Variants in C18orf54 observed in about 807,000 individuals in gnomAD.
C18orf54 encodes the protein chromosome 18 open reading frame 54, also known as lung adenoma susceptibility protein 2.
A neutral mutation model predicts 49.3 loss-of-function variants in C18orf54; 49 were observed. The ratio of observed to expected loss-of-function variants is 0.99; its 90% CI spans 0.79 to 1.26. The LOEUF is 1.26. Ranked by LOEUF, C18orf54 falls within the 50% of genes most tolerant of loss-of-function variation. The pLI, the probability that C18orf54 is intolerant of heterozygous loss-of-function variation, is 0.00. For missense variants in C18orf54, 687 were observed against 620.6 expected (o/e 1.11, Z -1.14); for synonymous variants, 211 against 216.6 (o/e 0.97, Z 0.23).
rs2089286195 is a variant in C18orf54 at position 54,362,234 on chromosome 18, A to G, written c.875A>G (p.His292Arg). 1 of 1,536,326 alleles carries G rather than the reference A, an allele frequency of 6.5e-7. No homozygotes were observed. The highest frequency in any genetic ancestry group is 8.7e-7 in the Non-Finnish European group (1 of 1,146,932). ...AAAGATGATCAGTGTTCCCCTAGAC[A>G]TAGTCATCAGGCACAAGGAACTTCT... ...IFKDDQCSPRHSHQAQGTSRL... is the reference protein window; with the variant it reads ...IFKDDQCSPRRSHQAQGTSRL... The change falls in exon 4 of 9, where the codon CAT becomes CGT. Residue 292 changes from histidine to arginine, a missense_variant. Coordinates refer to ENST00000620105, the MANE Select transcript of C18orf54 (RefSeq NM_001288980.2).
chr18:54,372,424 C>G, intron 6 of C18orf54, 42 bp from the exon 7 acceptor site: 1 of 1,426,758 alleles, frequency 7.0e-7, no homozygotes. Flanking sequence ...TTTCCCTGAG[C>G]TTGGATGGTT....
intron 5 of C18orf54, among the ~76,000 whole-genome samples, chr18:54,363,531 T>C (rs2144725344): frequency 6.6e-6 from 1 of 152,258 alleles, no homozygotes; most frequent in South Asian, 2.1e-4. Context: ...TTGGCCAGGC[T>C]GGTCTCTAAC....
intron 8 of C18orf54, among the ~76,000 whole-genome samples, chr18:54,377,889 C>G (rs538966832): frequency 2.2e-4 from 33 of 152,026 alleles, no homozygotes; most frequent in African/African-American, 8.0e-4. Flanking sequence ...CAACTGATAC[C>G]TATTGTTTCT....
intron 5 of C18orf54, among the ~76,000 whole-genome samples, chr18:54,363,709 A>G (rs2089319751): frequency 6.6e-6 from 1 of 152,108 alleles, no homozygotes. Context: ...TCAGAAATGC[A>G]TTATTGCTAA....
chr18:54,366,774 C>T (rs1022395693), intron 6 of C18orf54, among the ~76,000 whole-genome samples: 1 of 151,298 alleles, frequency 6.6e-6, no homozygotes, highest in Non-Finnish European at 1.5e-5. Context: ...GTAATACTAA[C>T]ACTTTGGGTG....
At position 54,361,909 on chromosome 18, in the gene C18orf54, A is replaced by G; in HGVS notation, c.550A>G (p.Thr184Ala). 6.2e-7 allele frequency: 1 copy of G among 1,614,110 alleles called. No individual in the cohort carries two copies. ...TTCCATGGGCAAGGATAACTTTGTT[A>G]CTCCTGTTATACGCTCAAATATAAA... ...YTSMGKDNFVTPVIRSNINGK... is the reference protein window; with the variant it reads ...YTSMGKDNFVAPVIRSNINGK... Residue 184 changes from threonine to alanine, a missense_variant, in exon 4 of 9, where the codon ACT becomes GCT. Thr to Ala is a moderately conservative substitution (Grantham distance 58, BLOSUM62 0). Transcript: ENST00000620105.
chr18:54,374,774 T>C (rs1182668757), intron 8 of C18orf54, among the ~76,000 whole-genome samples: 1 of 151,944 alleles, frequency 6.6e-6, no homozygotes, highest in Non-Finnish European at 1.5e-5. Flanking sequence ...GTTGTTTCTA[T>C]AGTCATGATA....
rs1327799087 is a variant in C18orf54 at position 54,381,582 on chromosome 18, T to TG, written c.*3337dup. 6.6e-6 allele frequency: 1 copy of TG among 152,242 alleles called. No individual in the cohort carries two copies. Among genetic ancestry groups the TG allele is most frequent in the Non-Finnish European group, 1.5e-5 (1 of 68,032 alleles). The allele number at this position is 152,242 out of a possible 1,614,324, so 9.4% of individuals were successfully genotyped here. On this transcript the variant is annotated 3_prime_UTR_variant, in exon 9 of 9. Transcript: ENST00000620105. ...TACTCAGATTCCCCCAAACTTTATATGTGTATTGTCATCTTTGTGCATATT... is the reference window on the plus strand; with the variant it reads ...TACTCAGATTCCCCCAAACTTTATATGGTGTATTGTCATCTTTGTGCATATT...
At position 54,362,421 on chromosome 18, in the gene C18orf54, G is replaced by A; in HGVS notation, c.1062G>A (p.Lys354=). 6.6e-7 allele frequency: 1 copy of A among 1,511,342 alleles called. No individual in the cohort carries two copies. Among genetic ancestry groups the A allele is most frequent in the South Asian group, 1.3e-5 (1 of 79,882 alleles). 93.6% of individuals were successfully genotyped at this position (1,511,342 alleles called of 1,614,324 possible). ...ENPLLPGQST[K]PFSGDKIELL... ...CACTTCTCCCAGGACAATCCACAAA[G>A]CCATTCAGTGGTAATACTTTGTTTA... Residue 354 remains lysine, a synonymous_variant, in exon 4 of 9, where the codon AAG becomes AAA. Coordinates refer to ENST00000620105, the MANE Select transcript of C18orf54 (RefSeq NM_001288980.2).
chr18:54,369,233 T>A (rs776586000), intron 6 of C18orf54, among the ~76,000 whole-genome samples: 7 of 152,168 alleles, frequency 4.6e-5, no homozygotes, highest in Non-Finnish European at 7.3e-5. Flanking sequence ...TAAACACATA[T>A]ATGTATAAAA....
chr18:54,361,589 T>A, intron 3 of C18orf54, 54 bp from the exon 4 acceptor site: 1 of 1,401,610 alleles, frequency 7.1e-7, no homozygotes, highest in Non-Finnish European at 9.6e-7. Flanking sequence ...CATTTACTGT[T>A]GGATATTATA....
rs571385451 is a variant in C18orf54, at chr18:54,372,072, A to T, written c.1327-394A>T. 1.3e-3 allele frequency among the ~76,000 whole-genome samples: 202 copies of T among 152,148 alleles called. 1 individual carries two copies. The highest frequency in any genetic ancestry group is 4.1e-3 in the African/African-American group (171 of 41,554). ...AAAACATATTTTAAAGTGTGCAGAG[A>T]ATACTGTATTTGAAATTTTAGTCCT... On this transcript the variant is annotated intron_variant, in intron 6 of 8. Transcript: ENST00000620105.
intron 7 of C18orf54, 63 bp from the exon 8 acceptor site, chr18:54,374,151 A>G (rs2089532969): frequency 1.6e-6 from 2 of 1,235,294 alleles, no homozygotes; most frequent in African/African-American, 3.1e-5. Flanking sequence ...CATTTTCAAT[A>G]CCATTTAATT....
chr18:54,377,679 C>A (rs1315233623), intron 8 of C18orf54, among the ~76,000 whole-genome samples: 1 of 152,036 alleles, frequency 6.6e-6, no homozygotes, highest in Admixed American at 6.6e-5. Flanking sequence ...CCCCTATGAT[C>A]AATAAAAATG....
Position 54,379,874 on chromosome 18 carries a change from C to T in C18orf54, c.*1628C>T, listed in dbSNP as rs1443949307. On this transcript the variant is annotated 3_prime_UTR_variant, in exon 9 of 9. Transcript: ENST00000620105. ...TTGATCATACATAATATATACTATG[C>T]CTGGAAATTATGACTGAAAAGCACC... 6.6e-6 allele frequency: 1 copy of T among 151,876 alleles called. No individual in the cohort carries two copies. Among genetic ancestry groups the T allele is most frequent in the Non-Finnish European group, 1.5e-5 (1 of 67,890 alleles). 9.4% of individuals were successfully genotyped at this position (151,876 alleles called of 1,614,324 possible).
rs2089655965 is a variant in C18orf54 at position 54,380,786 on chromosome 18, C to G, written c.*2540C>G. ...TGAAGATAAATCATGACAAGGTCCC[C>G]TGTTTATTCCTGTGTTACAGACGCA... is the stretch of plus-strand genomic sequence containing the variant. On this transcript the variant is annotated 3_prime_UTR_variant, in exon 9 of 9. Transcript: ENST00000620105. The G allele has an allele frequency of 1.3e-5, 2 of 152,032 alleles. No homozygotes were observed. Among genetic ancestry groups the G allele is most frequent in the Non-Finnish European group, 2.9e-5 (2 of 67,934 alleles). 9.4% of individuals were successfully genotyped at this position (152,032 alleles called of 1,614,324 possible). A position where few individuals can be genotyped will look rare whatever the true frequency, so the allele number is the denominator to read the frequency against.
At position 54,362,386 on chromosome 18, in the gene C18orf54, T is replaced by C. The variant is rs1229183922; in HGVS notation, c.1027T>C (p.Cys343Arg). Residue 343 changes from cysteine (C) to arginine (R), a missense_variant, in exon 4 of 9, where the codon TGT (cysteine) becomes CGT (arginine). Cys to Arg is a radical substitution (Grantham distance 180). Transcript: ENST00000620105. ...KCDFEHSQCQ[C>R]ENPLLPGQST... ...TGATTTTGAACATAGCCAGTGTCAATGTGAGAATCCACTTCTCCCAGGACA... is the reference window on the plus strand; with the variant it reads ...TGATTTTGAACATAGCCAGTGTCAACGTGAGAATCCACTTCTCCCAGGACA... The C allele has an allele frequency of 1.3e-5, 20 of 1,533,420 alleles. No homozygotes were observed. Among genetic ancestry groups the C allele is most frequent in the Non-Finnish European group, 1.7e-5 (20 of 1,145,296 alleles). The allele number at this position is 1,533,420 out of a possible 1,614,324, so 95.0% of individuals were successfully genotyped here.
At chr18:54,368,959 T>C (rs1306778711) in intron 6 of C18orf54, among the ~76,000 whole-genome samples, 1 of 152,234 alleles carries the variant, frequency 6.6e-6, no homozygotes, top group Non-Finnish European at 1.5e-5. Flanking sequence ...TTCCTTCATG[T>C]TGGCTCCTGT....
chr18:54,374,187 T>C, intron 7 of C18orf54, 27 bp from the exon 8 acceptor site: 1 of 1,475,704 alleles, frequency 6.8e-7, no homozygotes, highest in Admixed American at 2.1e-5. Context: ...TTTAATATTT[T>C]GTTATATTTG....
Sources: gnomAD v4.1 joint callset for allele counts (sites outside exome capture counted in the v4.1 genomes callset) on GRCh38, gnomAD v4.1.1 for gene constraint, MANE v1.5 for transcripts, NCBI Gene and HGNC (gene_info 2026-07-23, HGNC 2026-07-21) for gene names.